Variants in SHLD1 observed in about 807,000 individuals in gnomAD.
The protein encoded by SHLD1 is shieldin complex subunit 1, also known as RINN1-REV7-interacting novel NHEJ regulator 3.
In SHLD1, 3 loss-of-function variants were observed where a neutral mutation model predicts 5.5. The observed-to-expected ratio is 0.54, with a 90% confidence interval of 0.25 to 1.40. The LOEUF is 1.40. Ranked by LOEUF, SHLD1 falls within the 40% of genes most tolerant of loss-of-function variation. The probability of loss-of-function intolerance (pLI) is 0.15; values close to 1 mark genes in which losing one functional copy is unlikely to be tolerated. For synonymous variants in SHLD1, 92 were observed against 94.3 expected (o/e 0.98, Z 0.14); for missense variants, 210 against 244.4 (o/e 0.86, Z 0.94).
intron 2 of SHLD1, among the ~76,000 whole-genome samples, chr20:5,839,231 T>G (rs890356848): frequency 7.2e-5 from 11 of 152,256 alleles, no homozygotes; most frequent in African/African-American, 2.7e-4. Context: ...ATTTTCTCTT[T>G]TCTTTGCCCC....
intron 2 of SHLD1, among the ~76,000 whole-genome samples, chr20:5,852,167 T>C (rs1298127454): frequency 1.3e-5 from 2 of 152,182 alleles, no homozygotes; most frequent in Non-Finnish European, 2.9e-5. Flanking sequence ...TAAACCTCTT[T>C]TCTTTATAAA....
At chr20:5,752,577 G>T (rs1568483784) in intron 1 of SHLD1, among the ~76,000 whole-genome samples, 1 of 151,440 alleles carries the variant, frequency 6.6e-6, no homozygotes, top group East Asian at 1.9e-4. Flanking sequence ...TAGCTTTGTA[G>T]GGCCATTTTA....
intron 1 of SHLD1, among the ~76,000 whole-genome samples, chr20:5,756,403 T>C (rs1376348594): frequency 6.6e-6 from 1 of 152,194 alleles, no homozygotes; most frequent in African/African-American, 2.4e-5. Context: ...TCCACGAACA[T>C]GGGATAGCTT....
chr20:5,859,468 A>G (rs2088132371), intron 2 of SHLD1, among the ~76,000 whole-genome samples: 1 of 152,198 alleles, frequency 6.6e-6, no homozygotes. Flanking sequence ...CAGCTCTACA[A>G]GGTTGGAATA....
intron 2 of SHLD1, among the ~76,000 whole-genome samples, chr20:5,851,104 C>A (rs2088003133): frequency 6.6e-6 from 1 of 152,186 alleles, no homozygotes; most frequent in Non-Finnish European, 1.5e-5. Context: ...AACATGGCTG[C>A]CATCCGAATG....
intron 2 of SHLD1, among the ~76,000 whole-genome samples, chr20:5,800,447 A>C (rs1197373664): frequency 2.0e-5 from 3 of 152,170 alleles, no homozygotes; most frequent in Admixed American, 6.5e-5. Context: ...TACTCCCAGC[A>C]CTTTGGGAGG....
intron 2 of SHLD1, among the ~76,000 whole-genome samples, chr20:5,820,740 G>A (rs1200178366): frequency 6.6e-6 from 1 of 152,246 alleles, no homozygotes; most frequent in African/African-American, 2.4e-5. Flanking sequence ...ACAGGGAAAA[G>A]TTTTATTTAT....
At chr20:5,861,609 C>T (rs936079106) in intron 2 of SHLD1, among the ~76,000 whole-genome samples, 2 of 152,240 alleles carry the variant, frequency 1.3e-5, no homozygotes, top group Non-Finnish European at 2.9e-5. Context: ...TTTACATTAC[C>T]ATAGACATTC....
At chr20:5,799,981 G>C (rs2122333937) in intron 2 of SHLD1, among the ~76,000 whole-genome samples, 1 of 147,632 alleles carries the variant, frequency 6.8e-6, no homozygotes, top group East Asian at 2.0e-4. Context: ...AGGGTTTAAG[G>C]CCATACGTGA....
intron 2 of SHLD1, among the ~76,000 whole-genome samples, chr20:5,848,632 G>A (rs1291862989): frequency 6.6e-6 from 1 of 152,220 alleles, no homozygotes; most frequent in Non-Finnish European, 1.5e-5. Flanking sequence ...CCAATTTGGG[G>A]TGGTGTGAGC....
chr20:5,759,417 G>A (rs1405659279), intron 1 of SHLD1, among the ~76,000 whole-genome samples: 4 of 151,836 alleles, frequency 2.6e-5, no homozygotes, highest in African/African-American at 7.3e-5. Flanking sequence ...CCACAACCAC[G>A]CCCAGATAAT....
chr20:5,817,823 G>A (rs1269086593), intron 2 of SHLD1, among the ~76,000 whole-genome samples: 3 of 152,112 alleles, frequency 2.0e-5, no homozygotes, highest in Non-Finnish European at 4.4e-5. Context: ...GAAATTCCAG[G>A]CACCTGAAAC....
chr20:5,770,773 A>G (rs1985111153), intron 1 of SHLD1, among the ~76,000 whole-genome samples: 1 of 152,218 alleles, frequency 6.6e-6, no homozygotes, highest in Admixed American at 6.5e-5. Context: ...TACCAGGCAG[A>G]TGTATGTGGC....
rs1249619777 is a variant in SHLD1, at chr20:5,864,015, T to C, written c.*552T>C. 2.0e-5 allele frequency: 3 copies of C among 152,430 alleles called. No individual in the cohort carries two copies. The highest frequency in any genetic ancestry group is 4.4e-5 in the Non-Finnish European group (3 of 68,234). 9.4% of individuals were successfully genotyped at this position (152,430 alleles called of 1,614,324 possible). A position where few individuals can be genotyped will look rare whatever the true frequency, so the allele number is the denominator to read the frequency against. On this transcript the variant is annotated 3_prime_UTR_variant, in exon 3 of 3. Transcript: ENST00000303142. ...ACAAAGCTCTACACCGAATCAGGTA[T>C]AAGGAATTATATCAAGTTGTAAAAC...
intron 2 of SHLD1, among the ~76,000 whole-genome samples, chr20:5,777,155 ATATT>A (rs1234526904): frequency 6.6e-6 from 1 of 151,972 alleles, no homozygotes; most frequent in African/African-American, 2.4e-5. Context: ...TGCCCAGCTA[ATATT>A]TATATTTTTA....
Position 5,766,397 on chromosome 20 carries a change from A to G in SHLD1, c.-4-6465A>G, listed in dbSNP as rs73594807. ...AACAGCACGTGACTGGGTGTCCTCA[A>G]ACAAAAAGATCTTGCCAGGTCTCAC... On this transcript the variant is annotated intron_variant, in intron 1 of 2. Transcript: ENST00000303142. Among the ~76,000 whole-genome samples the G allele has an allele frequency of 6.5e-3, 987 of 152,304 alleles. 10 individuals carry two copies. The highest frequency in any genetic ancestry group is 0.022 in the African/African-American group (930 of 41,564).
intron 2 of SHLD1, among the ~76,000 whole-genome samples, chr20:5,829,668 G>A (rs2087705643): frequency 6.6e-6 from 1 of 152,138 alleles, no homozygotes; most frequent in Non-Finnish European, 1.5e-5. Flanking sequence ...AAGTTTGGGG[G>A]TTTGCATAGA....
intron 2 of SHLD1, among the ~76,000 whole-genome samples, chr20:5,781,077 TAA>T (rs2086983664): frequency 6.9e-6 from 1 of 144,304 alleles, no homozygotes; most frequent in Non-Finnish European, 1.6e-5. Context: ...TATATATGTC[TAA>T]TAAAGACACA....
chr20:5,816,280 A>G (rs1259551712), intron 2 of SHLD1, among the ~76,000 whole-genome samples: 1 of 152,142 alleles, frequency 6.6e-6, no homozygotes, highest in Non-Finnish European at 1.5e-5. Flanking sequence ...TCCTTGAATG[A>G]CATTTTTTTT....
Sources: gnomAD v4.1 joint callset for allele counts (sites outside exome capture counted in the v4.1 genomes callset) on GRCh38, gnomAD v4.1.1 for gene constraint, MANE v1.5 for transcripts, NCBI Gene and HGNC (gene_info 2026-07-23, HGNC 2026-07-21) for gene names.